DCAF8L2: variants seen among roughly 807,000 people sequenced by gnomAD.
DCAF8L2 encodes DDB1 and CUL4 associated factor 8 like 2.
For missense variants in DCAF8L2, 430 were observed against 490.7 expected (o/e 0.88, Z 1.17); for synonymous variants, 200 against 190.9 (o/e 1.05, Z -0.39).
chrX:27,557,634 G>C, the DCAF8L2 span, among the ~76,000 whole-genome samples: 3 of 111,466 alleles, frequency 2.7e-5, no homozygotes. Flanking sequence ...AGTATCTCAT[G>C]TTGGGCTGTA....
chrX:27,668,813 C>T (rs1158634901), intron 2 of DCAF8L2, among the ~76,000 whole-genome samples: 3 of 110,428 alleles, frequency 2.7e-5, no homozygotes, highest in African/African-American at 9.9e-5. Context: ...ATTAGCCAGG[C>T]GTGGTGGTGG....
chrX:27,469,751 C>T, the DCAF8L2 span, among the ~76,000 whole-genome samples: 2 of 110,356 alleles, frequency 1.8e-5, no homozygotes, highest in Non-Finnish European at 3.8e-5. Context: ...TGTTTTGTTA[C>T]CGCTTGCTGA....
chrX:27,501,281 G>A, the DCAF8L2 span, among the ~76,000 whole-genome samples: 6 of 104,609 alleles, frequency 5.7e-5, no homozygotes, highest in Non-Finnish European at 9.8e-5. Flanking sequence ...TGCTGTGTGT[G>A]TGTATGTGTG....
At chrX:27,509,668 T>C in the DCAF8L2 span, among the ~76,000 whole-genome samples, 1 of 111,950 alleles carries the variant, frequency 8.9e-6, no homozygotes, top group African/African-American at 3.2e-5. Context: ...TCAGTAAAAT[T>C]GAGAATCAAG....
chrX:27,564,586 A>AT, the DCAF8L2 span, among the ~76,000 whole-genome samples: 6 of 110,782 alleles, frequency 5.4e-5, no homozygotes, highest in Non-Finnish European at 1.1e-4. Context: ...CCACATCAGC[A>AT]TATCTGGGAG....
chrX:27,570,329 TA>T, the DCAF8L2 span, among the ~76,000 whole-genome samples: 1 of 111,482 alleles, frequency 9.0e-6, no homozygotes, highest in Non-Finnish European at 1.9e-5. Context: ...GGATGTGAAC[TA>T]AGATGTGCTA....
chrX:27,588,702 G>A (rs1191224642), upstream of DCAF8L2, among the ~76,000 whole-genome samples: 2 of 109,930 alleles, frequency 1.8e-5, no homozygotes, highest in African/African-American at 6.6e-5. Context: ...AGTAGAAAAA[G>A]GCATTATGAG....
chrX:27,607,007 A>C (rs1926937843), intron 1 of DCAF8L2, among the ~76,000 whole-genome samples: 1 of 111,505 alleles, frequency 9.0e-6, no homozygotes, highest in Admixed American at 9.6e-5. Context: ...ACATCAAATT[A>C]GAGTAAAGAA....
intron 1 of DCAF8L2, among the ~76,000 whole-genome samples, chrX:27,602,255 G>C (rs1926683902): frequency 9.0e-6 from 1 of 110,634 alleles, no homozygotes; most frequent in South Asian, 3.8e-4. Flanking sequence ...GGCTGGTCTT[G>C]AACTCCCGAC....
At chrX:27,667,202 G>C (rs983781956) in intron 2 of DCAF8L2, among the ~76,000 whole-genome samples, 1 of 111,453 alleles carries the variant, frequency 9.0e-6, no homozygotes. Flanking sequence ...GGTTTCACCT[G>C]ACAGATACAG....
the DCAF8L2 span, among the ~76,000 whole-genome samples, chrX:27,468,967 A>G: frequency 8.9e-6 from 1 of 111,877 alleles, no homozygotes; most frequent in Non-Finnish European, 1.9e-5. Flanking sequence ...ACACTGCAGC[A>G]GTCCTGGTTA....
chrX:27,747,452 G>A lies in DCAF8L2; in HGVS notation c.557G>A (p.Arg186His). 2 of 1,175,175 alleles carry A rather than the reference G, an allele frequency of 1.7e-6. No homozygotes were observed. The highest frequency in any genetic ancestry group is 2.5e-5 in the Admixed American group (1 of 39,995). ...SSETSALPRPRWQVVTALHQR... is the reference protein window; with the variant it reads ...SSETSALPRPHWQVVTALHQR... ...GAGACATCTGCCCTGCCCCGACCTC[G>A]CTGGCAGGTCGTTACTGCTCTTCAC... The change falls in exon 5 of 5, where the codon CGC becomes CAC. Residue 186 changes from arginine (R) to histidine (H), a missense_variant. Coordinates refer to ENST00000451261, the MANE Select transcript of DCAF8L2 (RefSeq NM_001353450.2).
chrX:27,616,361 GTTA>G (rs773481392), intron 1 of DCAF8L2, among the ~76,000 whole-genome samples: 1 of 110,187 alleles, frequency 9.1e-6, no homozygotes, highest in East Asian at 2.9e-4. Context: ...CAGTCATAAT[GTTA>G]TTATAATAAA....
At chrX:27,699,312 C>T (rs1931041760) in intron 3 of DCAF8L2, among the ~76,000 whole-genome samples, 1 of 111,688 alleles carries the variant, frequency 9.0e-6, no homozygotes, top group Non-Finnish European at 1.9e-5. Flanking sequence ...ATGCCTTAGA[C>T]AGAAATGTTG....
the DCAF8L2 span, among the ~76,000 whole-genome samples, chrX:27,503,269 A>G: frequency 9.0e-6 from 1 of 111,278 alleles, no homozygotes; most frequent in Non-Finnish European, 1.9e-5. Context: ...TCTTACTGAC[A>G]GGATATATGC....
chrX:27,684,167 C>A (rs1318234293), intron 3 of DCAF8L2, among the ~76,000 whole-genome samples: 1 of 111,829 alleles, frequency 8.9e-6, no homozygotes, highest in African/African-American at 3.3e-5. Flanking sequence ...TATCTCTACC[C>A]TCAAAGAGCT....
At chrX:27,724,716 A>G in intron 4 of DCAF8L2, among the ~76,000 whole-genome samples, 1 of 111,522 alleles carries the variant, frequency 9.0e-6, no homozygotes, top group Admixed American at 9.6e-5. Context: ...ACAGCTACAG[A>G]ATCAATTCTC....
chrX:27,687,618 C>T (rs369175816), intron 3 of DCAF8L2, among the ~76,000 whole-genome samples: 2 of 111,677 alleles, frequency 1.8e-5, no homozygotes, highest in East Asian at 2.8e-4. Flanking sequence ...CTTTGGGAGG[C>T]TAAGGTGGGA....
intron 3 of DCAF8L2, among the ~76,000 whole-genome samples, chrX:27,695,889 A>G (rs1262504750): frequency 9.0e-6 from 1 of 110,776 alleles, no homozygotes; most frequent in Non-Finnish European, 1.9e-5. Context: ...GTAGGTTAAT[A>G]TTACTATCAA....
Sources: allele counts gnomAD v4.1 joint callset (sites outside exome capture counted in the v4.1 genomes callset), GRCh38; gene constraint gnomAD v4.1.1; transcripts MANE v1.5; gene names NCBI Gene and HGNC (gene_info 2026-07-23, HGNC 2026-07-21).